Variants in ELOVL6 observed in about 807,000 individuals in gnomAD.
The protein encoded by ELOVL6 is ELOVL fatty acid elongase 6.
A neutral mutation model predicts 31.7 loss-of-function variants in ELOVL6; 8 were observed. The observed-to-expected ratio is 0.25, with a 90% CI of 0.15 to 0.45. The LOEUF (loss-of-function observed/expected upper bound fraction) is 0.45. Among genes scored for constraint, ELOVL6 ranks in the 20% least tolerant of loss-of-function variants. The pLI, the probability that ELOVL6 is intolerant of heterozygous loss-of-function variation, is 1.00. For synonymous variants in ELOVL6, 101 were observed against 117.7 expected, an observed-to-expected ratio of 0.86 and a Z score of 0.92; for missense variants, 126 against 326.4, an observed-to-expected ratio of 0.39 and a Z score of 4.73.
chr4:110,084,550 A>ATATATT (rs1560815686), intron 2 of ELOVL6, among the ~76,000 whole-genome samples: 4 of 74,002 alleles, frequency 5.4e-5, no homozygotes, highest in African/African-American at 2.9e-4. Context: ...ACACACACAC[A>ATATATT]CACACACACA....
intron 1 of ELOVL6, among the ~76,000 whole-genome samples, chr4:110,119,136 A>C (rs1285685916): frequency 6.6e-6 from 1 of 152,156 alleles, no homozygotes; most frequent in Admixed American, 6.5e-5. Context: ...AATTGTAATA[A>C]AATAGGTGGT....
intron 1 of ELOVL6, among the ~76,000 whole-genome samples, chr4:110,164,965 A>C (rs560032966): frequency 3.5e-4 from 53 of 151,936 alleles, no homozygotes; most frequent in African/African-American, 1.3e-3. Context: ...CAACCTCTCG[A>C]GGAGCTGGGA....
intron 1 of ELOVL6, among the ~76,000 whole-genome samples, chr4:110,120,800 T>G (rs1018887039): frequency 1.5e-5 from 2 of 136,932 alleles, no homozygotes; most frequent in African/African-American, 2.6e-5. Flanking sequence ...TTTCTTTTCT[T>G]TTTTTTTTTT....
intron 2 of ELOVL6, among the ~76,000 whole-genome samples, chr4:110,094,774 C>T (rs116211509): frequency 1.5e-3 from 232 of 151,904 alleles, no homozygotes; most frequent in African/African-American, 5.2e-3. Flanking sequence ...TAAAGACTGA[C>T]GGAATGCAAT....
chr4:110,195,827 C>CT (rs145402009), intron 1 of ELOVL6, among the ~76,000 whole-genome samples: 9,819 of 152,198 alleles, frequency 0.065, 394 homozygotes, highest in African/African-American at 0.1. Flanking sequence ...AAGCACTCTG[C>CT]TAGGTGCTTT....
At chr4:110,171,609 T>A (rs1160733582) in intron 1 of ELOVL6, among the ~76,000 whole-genome samples, 1 of 150,108 alleles carries the variant, frequency 6.7e-6, no homozygotes, top group African/African-American at 2.4e-5. Context: ...AGGGAGGACG[T>A]GGAAGCTCCA....
intron 1 of ELOVL6, among the ~76,000 whole-genome samples, chr4:110,134,128 T>C (rs2126258594): frequency 6.6e-6 from 1 of 152,282 alleles, no homozygotes; most frequent in Middle Eastern, 3.4e-3. Context: ...TGTTATAGTG[T>C]TGTGTACAAA....
chr4:110,087,097 T>C (rs1366596168), intron 2 of ELOVL6, among the ~76,000 whole-genome samples: 6 of 152,112 alleles, frequency 3.9e-5, no homozygotes, highest in African/African-American at 1.2e-4. Flanking sequence ...AACCAGGGTG[T>C]TCTTACAAAT....
intron 1 of ELOVL6, among the ~76,000 whole-genome samples, chr4:110,167,140 G>A (rs1758800987): frequency 6.6e-6 from 1 of 152,204 alleles, no homozygotes; most frequent in Admixed American, 6.5e-5. Flanking sequence ...AGTAGCTGAA[G>A]ATCACAGGGT....
At chr4:110,175,338 C>T (rs1025194627) in intron 1 of ELOVL6, among the ~76,000 whole-genome samples, 13 of 151,824 alleles carry the variant, frequency 8.6e-5, no homozygotes, top group African/African-American at 2.7e-4. Context: ...GCCAACATTG[C>T]GCTACTGCAC....
At chr4:110,150,881 A>T (rs921888391) in intron 1 of ELOVL6, among the ~76,000 whole-genome samples, 1 of 152,098 alleles carries the variant, frequency 6.6e-6, no homozygotes, top group Admixed American at 6.6e-5. Flanking sequence ...TGTCTCTACT[A>T]AAAATACAAA....
chr4:110,073,744 T>C (rs1182479849), intron 2 of ELOVL6, among the ~76,000 whole-genome samples: 2 of 152,192 alleles, frequency 1.3e-5, no homozygotes, highest in Non-Finnish European at 2.9e-5. Flanking sequence ...ATGGAGCCCT[T>C]GATGCTTTAG....
At chr4:110,141,007 T>C (rs1018231896) in intron 1 of ELOVL6, among the ~76,000 whole-genome samples, 34 of 152,188 alleles carry the variant, frequency 2.2e-4, no homozygotes, top group African/African-American at 8.2e-4. Flanking sequence ...ATGACACTTC[T>C]CAAGCTGGGG....
intron 1 of ELOVL6, among the ~76,000 whole-genome samples, chr4:110,156,103 G>C (rs1452196620): frequency 1.3e-5 from 2 of 152,176 alleles, no homozygotes; most frequent in East Asian, 3.9e-4. Context: ...AAATAAGAAG[G>C]GGAAGACAAG....
intron 2 of ELOVL6, among the ~76,000 whole-genome samples, chr4:110,078,906 A>C (rs1050180641): frequency 1.7e-4 from 26 of 152,240 alleles, no homozygotes; most frequent in Non-Finnish European, 3.5e-4. Flanking sequence ...TCTACCAAGC[A>C]AATGGAAAAC....
intron 1 of ELOVL6, chr4:110,147,278 T>TAAAAAAAAAAAAAAAAAAAAAAAAAAAA (rs34418243): frequency 7.7e-6 from 1 of 129,458 alleles, no homozygotes. Context: ...CAATTAAAAG[T>TAAAAAAAAAAAAAAAAAAAAAAAAAAAA]AAAAAAAAAA....
intron 2 of ELOVL6, among the ~76,000 whole-genome samples, chr4:110,086,655 G>A (rs570525742): frequency 3.9e-5 from 6 of 152,174 alleles, no homozygotes; most frequent in African/African-American, 1.4e-4. Flanking sequence ...GCTTCCCAGG[G>A]GTTCATTAAG....
chr4:110,070,739 C>T (rs1755449912), intron 2 of ELOVL6, among the ~76,000 whole-genome samples: 1 of 152,114 alleles, frequency 6.6e-6, no homozygotes, highest in Non-Finnish European at 1.5e-5. Context: ...AGCACCTCAC[C>T]CTTGGCTCTC....
intron 1 of ELOVL6, among the ~76,000 whole-genome samples, chr4:110,167,155 G>A (rs896171105): frequency 2.0e-4 from 31 of 152,162 alleles, no homozygotes; most frequent in Middle Eastern, 3.2e-3. Flanking sequence ...CAGGGTTTCA[G>A]TATCTCTCCA....
Sources: gnomAD v4.1 joint callset for allele counts (sites outside exome capture counted in the v4.1 genomes callset) on GRCh38, gnomAD v4.1.1 for gene constraint, MANE v1.5 for transcripts, NCBI Gene and HGNC (gene_info 2026-07-23, HGNC 2026-07-21) for gene names.